LIN7A: variants seen among roughly 807,000 people sequenced by gnomAD.
LIN7A encodes protein lin-7 homolog A.
LIN7A carries 25 observed loss-of-function variants against 29.8 expected under a neutral mutation model. The observed-to-expected ratio is 0.84, with a 90% CI of 0.61 to 1.17. LIN7A has a LOEUF of 1.17. LIN7A is among the 50% of genes most tolerant of loss of function. The pLI is 0.00. For missense variants in LIN7A, 239 were observed against 287.0 expected, an observed-to-expected ratio of 0.83 and a Z score of 1.21; for synonymous variants, 118 against 107.5, an observed-to-expected ratio of 1.10 and a Z score of -0.60.
At chr12:80,935,836 A>G in intron 1 of LIN7A, 1 of 481,000 alleles carries the variant, frequency 2.1e-6, no homozygotes, top group Non-Finnish European at 4.5e-6. Context: ...AACAAGAGCA[A>G]ACTTTAAAAA....
intron 1 of LIN7A, among the ~76,000 whole-genome samples, chr12:80,923,338 A>G (rs535361036): frequency 6.6e-6 from 1 of 151,850 alleles, no homozygotes; most frequent in Non-Finnish European, 1.5e-5. Flanking sequence ...AGCCTCCATA[A>G]TTGTGTGAGC....
chr12:80,865,607 C>T, intron 2 of LIN7A, among the ~76,000 whole-genome samples: 1 of 152,162 alleles, frequency 6.6e-6, no homozygotes, highest in Admixed American at 6.6e-5. Flanking sequence ...GCTGAAATGT[C>T]CACTTTGGGG....
rs559039522 is a variant in LIN7A at position 80,893,328 on chromosome 12, C to T, written c.83-3959G>A. On this transcript the variant is annotated intron_variant, in intron 1 of 5. Coordinates refer to ENST00000552864, the MANE Select transcript of LIN7A (RefSeq NM_004664.4). ...CCGTGAAATTTTTCAACCTGACCTA[C>T]TACCACAGACCAATTAAACCAAAAT... is the stretch of plus-strand genomic sequence containing the variant. 3.1e-4 allele frequency among the ~76,000 whole-genome samples: 47 copies of T among 152,280 alleles called. 1 individual carries two copies. The South Asian group carries it at 6.6e-3, about 21-fold the overall frequency.
intron 2 of LIN7A, among the ~76,000 whole-genome samples, chr12:80,887,514 C>G (rs1467161278): frequency 6.6e-6 from 1 of 152,126 alleles, no homozygotes; most frequent in Non-Finnish European, 1.5e-5. Flanking sequence ...TTCTACTGCA[C>G]ACACATTAGC....
chr12:80,898,968 G>T (rs1876053865), intron 1 of LIN7A, among the ~76,000 whole-genome samples: 1 of 152,138 alleles, frequency 6.6e-6, no homozygotes. Flanking sequence ...TAATTTGGAT[G>T]CCTTTTCTTT....
intron 1 of LIN7A, among the ~76,000 whole-genome samples, chr12:80,920,853 T>C (rs1565929812): frequency 6.6e-6 from 1 of 152,208 alleles, no homozygotes; most frequent in Non-Finnish European, 1.5e-5. Flanking sequence ...AATACCTTAA[T>C]ATGTACCATA....
At chr12:80,800,630 G>A (rs533215168) in intron 5 of LIN7A, among the ~76,000 whole-genome samples, 1 of 150,212 alleles carries the variant, frequency 6.7e-6, no homozygotes, top group Non-Finnish European at 1.5e-5. Flanking sequence ...GGAAGCACCC[G>A]ACCCTGATAG....
At chr12:80,927,453 T>A (rs2120927204) in intron 1 of LIN7A, among the ~76,000 whole-genome samples, 1 of 152,276 alleles carries the variant, frequency 6.6e-6, no homozygotes, top group Non-Finnish European at 1.5e-5. Flanking sequence ...CCGGCCACAG[T>A]AAATTATTTT....
chr12:80,847,174 A>G (rs569295550), intron 3 of LIN7A, among the ~76,000 whole-genome samples: 3 of 152,334 alleles, frequency 2.0e-5, no homozygotes, highest in African/African-American at 7.2e-5. Flanking sequence ...ACCAGAAAAT[A>G]CTGTGCTATT....
At chr12:80,838,609 T>G (rs1336031997) in intron 4 of LIN7A, among the ~76,000 whole-genome samples, 1 of 152,202 alleles carries the variant, frequency 6.6e-6, no homozygotes, top group Non-Finnish European at 1.5e-5. Context: ...TTTTCAGCAC[T>G]TAGAACTGAA....
chr12:80,800,443 C>T (rs182964283), intron 5 of LIN7A, among the ~76,000 whole-genome samples: 6 of 118,748 alleles, frequency 5.1e-5, no homozygotes, highest in East Asian at 5.9e-4. Context: ...GAGCTGCGAT[C>T]GTGCCATTGC....
intron 5 of LIN7A, among the ~76,000 whole-genome samples, chr12:80,801,419 A>G (rs1258919579): frequency 1.3e-5 from 2 of 152,194 alleles, no homozygotes; most frequent in Non-Finnish European, 2.9e-5. Context: ...CCAGGAAGCA[A>G]TGAATTTTCC....
At chr12:80,823,460 C>A (rs903387502) in intron 4 of LIN7A, among the ~76,000 whole-genome samples, 2 of 152,238 alleles carry the variant, frequency 1.3e-5, no homozygotes, top group Non-Finnish European at 2.9e-5. Context: ...AGGGAGCCAG[C>A]CCCTGTGCCA....
At position 80,840,755 on chromosome 12, in the gene LIN7A, C is replaced by T. The variant is rs112668478; in HGVS notation, c.483+4975G>A. On this transcript the variant is annotated intron_variant, in intron 4 of 5. Coordinates refer to ENST00000552864, the MANE Select transcript of LIN7A (RefSeq NM_004664.4). ...GGTCAGGGGAGGGTTATATGGTACT[C>T]TCAGCAGAATCCCATTGGAAGACAT... Among the ~76,000 whole-genome samples, 1,446 of 152,170 alleles carry T rather than the reference C, an allele frequency of 9.5e-3. 15 individuals are homozygous for T. The highest frequency in any genetic ancestry group is 0.034 in the African/African-American group (1,392 of 41,516).
At chr12:80,821,084 A>C (rs900037834) in intron 4 of LIN7A, among the ~76,000 whole-genome samples, 7 of 152,206 alleles carry the variant, frequency 4.6e-5, no homozygotes, top group African/African-American at 7.2e-5. Context: ...TTACAGTTCC[A>C]CTTACAAAAT....
intron 1 of LIN7A, among the ~76,000 whole-genome samples, chr12:80,919,955 G>A (rs1483531882): frequency 2.0e-5 from 3 of 151,944 alleles, no homozygotes; most frequent in Non-Finnish European, 2.9e-5. Context: ...GAAGGTAGAG[G>A]GCAAAGAGAC....
chr12:80,902,009 A>G (rs553229868), intron 1 of LIN7A, among the ~76,000 whole-genome samples: 1 of 151,968 alleles, frequency 6.6e-6, no homozygotes, highest in Non-Finnish European at 1.5e-5. Flanking sequence ...AGTATAAAAG[A>G]TTATTTATAG....
At chr12:80,912,713 C>CAAAA (rs5799498) in intron 1 of LIN7A, among the ~76,000 whole-genome samples, 1,659 of 135,216 alleles carry the variant, frequency 0.012, 37 homozygotes, top group South Asian at 0.068. Flanking sequence ...AGACTTGTCT[C>CAAAA]AAAAAAAAAA....
intron 1 of LIN7A, among the ~76,000 whole-genome samples, chr12:80,921,427 AC>A: frequency 6.6e-6 from 1 of 150,996 alleles, no homozygotes; most frequent in African/African-American, 2.5e-5. Context: ...GGAGGCTGGC[AC>A]TTCCAAGATC....
Sources: gnomAD v4.1 joint callset for allele counts (sites outside exome capture counted in the v4.1 genomes callset) on GRCh38, gnomAD v4.1.1 for gene constraint, MANE v1.5 for transcripts, NCBI Gene and HGNC (gene_info 2026-07-23, HGNC 2026-07-21) for gene names.